CTNNA3: variants seen among roughly 807,000 people sequenced by gnomAD.
The protein encoded by CTNNA3 is catenin alpha 3.
Under a neutral mutation model 95.7 loss-of-function variants are expected in CTNNA3, and 76 were observed. The ratio of observed to expected loss-of-function variants is 0.79; its 90% CI spans 0.66 to 0.96. CTNNA3 has a LOEUF of 0.96. Among genes scored for constraint, CTNNA3 ranks in the 40% least tolerant of loss-of-function variants. The probability of loss-of-function intolerance (pLI) is 0.00; values close to 1 mark genes in which losing one functional copy is unlikely to be tolerated. For missense variants in CTNNA3, 1,191 were observed against 1,089.8 expected (o/e 1.09, Z -1.31); for synonymous variants, 431 against 374.4 (o/e 1.15, Z -1.74).
chr10:66,776,273 T>C (rs1173006651), intron 7 of CTNNA3, among the ~76,000 whole-genome samples: 2 of 152,194 alleles, frequency 1.3e-5, no homozygotes, highest in African/African-American at 4.8e-5. Context: ...TAAAAGAGAT[T>C]GGAAAAATCA....
intron 11 of CTNNA3, among the ~76,000 whole-genome samples, chr10:66,455,216 C>A (rs888065767): frequency 6.6e-6 from 1 of 152,076 alleles, no homozygotes; most frequent in Non-Finnish European, 1.5e-5. Flanking sequence ...CAAGGATGTT[C>A]ACTCTAACTT....
intron 7 of CTNNA3, among the ~76,000 whole-genome samples, chr10:66,908,813 G>A (rs752793470): frequency 6.6e-6 from 1 of 152,026 alleles, no homozygotes; most frequent in Non-Finnish European, 1.5e-5. Flanking sequence ...TTTCATGCTA[G>A]CACTCCCTAC....
chr10:66,676,225 A>G (rs1271717613), intron 9 of CTNNA3, among the ~76,000 whole-genome samples: 2 of 151,824 alleles, frequency 1.3e-5, no homozygotes, highest in African/African-American at 2.4e-5. Flanking sequence ...TGTTCTGTGT[A>G]GGCAGGCTGT....
chr10:67,560,846 T>A (rs1564740757), intron 3 of CTNNA3, among the ~76,000 whole-genome samples: 1 of 151,970 alleles, frequency 6.6e-6, no homozygotes. Flanking sequence ...TCCTAGTCTC[T>A]AATAAAACAG....
rs948356488 is a variant in CTNNA3 at position 66,825,284 on chromosome 10, T to TA, written c.1048-49761_1048-49760insT. On this transcript the variant is annotated intron_variant, in intron 7 of 17. Coordinates refer to ENST00000433211, the MANE Select transcript of CTNNA3 (RefSeq NM_013266.4). ...ATGTATATATACATATATATATATA[T>TA]TTTTTTTTTGAGATGGAGTCGTGCT... is the stretch of plus-strand genomic sequence containing the variant. Among the ~76,000 whole-genome samples the TA allele has an allele frequency of 1.7e-3, 151 of 86,700 alleles. No individual in the cohort carries two copies. In the East Asian group the frequency reaches 0.043, roughly 25 times the overall value. The allele number at this position is 86,700 out of a possible 152,430, so 56.9% of individuals were successfully genotyped here.
Position 65,920,219 on chromosome 10 carries a change from G to C in CTNNA3, c.*111C>G. On this transcript the variant is annotated 3_prime_UTR_variant, in exon 18 of 18. Transcript: ENST00000433211. ...TAGCGCCCAATATTTTATGTTATTTGTGAGTTAAACACCAAAACTTAGTGA... is the reference window on the plus strand; with the variant it reads ...TAGCGCCCAATATTTTATGTTATTTCTGAGTTAAACACCAAAACTTAGTGA... The C allele has an allele frequency of 1.1e-6, 1 of 906,102 alleles. No homozygotes were observed. Among genetic ancestry groups the C allele is most frequent in the Non-Finnish European group, 1.7e-6 (1 of 586,906 alleles). 56.1% of individuals were successfully genotyped at this position (906,102 alleles called of 1,614,324 possible).
At chr10:66,897,044 T>C (rs1265903294) in intron 7 of CTNNA3, among the ~76,000 whole-genome samples, 1 of 152,178 alleles carries the variant, frequency 6.6e-6, no homozygotes, top group Non-Finnish European at 1.5e-5. Context: ...CCCCTACTTT[T>C]ATTGAGTTCT....
At chr10:66,167,575 TTTAC>T (rs1791249462) in intron 13 of CTNNA3, among the ~76,000 whole-genome samples, 1 of 152,138 alleles carries the variant, frequency 6.6e-6, no homozygotes, top group African/African-American at 2.4e-5. Flanking sequence ...ATAATATTAT[TTTAC>T]TTTAATTTTT....
rs144145798 is a variant in CTNNA3 at position 67,074,190 on chromosome 10, G to A, written c.1047+106127C>T. 2.3e-3 allele frequency among the ~76,000 whole-genome samples: 351 copies of A among 151,348 alleles called. 5 individuals are homozygous for A. Among genetic ancestry groups the A allele is most frequent in the Middle Eastern group, 0.01 (3 of 292 alleles). The stretch of plus-strand genomic sequence containing the variant: ...TGGGACTATAGGCACGTGCCACCAT[G>A]ACCAGCTAATTTTTGTACTTTTAAT... On this transcript the variant is annotated intron_variant, in intron 7 of 17. Coordinates refer to ENST00000433211, the MANE Select transcript of CTNNA3 (RefSeq NM_013266.4).
upstream of CTNNA3, among the ~76,000 whole-genome samples, chr10:67,696,470 A>G (rs776993747): frequency 3.3e-5 from 5 of 152,218 alleles, no homozygotes; most frequent in Admixed American, 2.6e-4. Context: ...TCCTCACATC[A>G]AAAGATCAAT....
chr10:66,323,482 A>T (rs1205120983), intron 12 of CTNNA3, among the ~76,000 whole-genome samples: 2 of 151,768 alleles, frequency 1.3e-5, no homozygotes, highest in Admixed American at 1.3e-4. Context: ...TGTCTCTACT[A>T]AAAATACAAA....
chr10:67,197,760 A>G (rs1012782889), intron 6 of CTNNA3, among the ~76,000 whole-genome samples: 1 of 152,152 alleles, frequency 6.6e-6, no homozygotes, highest in African/African-American at 2.4e-5. Context: ...TATCCAGTTA[A>G]ATAGAAATTA....
intron 9 of CTNNA3, among the ~76,000 whole-genome samples, chr10:66,737,707 T>A (rs979094213): frequency 3.3e-5 from 5 of 151,682 alleles, no homozygotes; most frequent in Admixed American, 1.3e-4. Flanking sequence ...GTCACCAGGC[T>A]CGAGTGCACT....
intron 13 of CTNNA3, among the ~76,000 whole-genome samples, chr10:66,105,309 C>T (rs1222558772): frequency 6.6e-6 from 1 of 152,174 alleles, no homozygotes; most frequent in Non-Finnish European, 1.5e-5. Context: ...ATTCTTGTCA[C>T]AGTATTCTTG....
At chr10:66,732,951 G>A (rs926218612) in intron 9 of CTNNA3, among the ~76,000 whole-genome samples, 9 of 151,780 alleles carry the variant, frequency 5.9e-5, no homozygotes, top group Non-Finnish European at 7.4e-5. Flanking sequence ...ACCAGCCACC[G>A]CGCCCAGCTG....
intron 3 of CTNNA3, among the ~76,000 whole-genome samples, chr10:67,549,061 G>T (rs936885960): frequency 6.6e-6 from 1 of 151,950 alleles, no homozygotes; most frequent in Non-Finnish European, 1.5e-5. Flanking sequence ...ATGTACAGAG[G>T]TTTTAGTAAG....
intron 7 of CTNNA3, among the ~76,000 whole-genome samples, chr10:66,931,636 T>A (rs1847400629): frequency 6.6e-6 from 1 of 152,226 alleles, no homozygotes; most frequent in South Asian, 2.1e-4. Context: ...GTTTACAACA[T>A]GTTTTTTGAC....
At chr10:66,991,023 G>A (rs1344686940) in intron 7 of CTNNA3, among the ~76,000 whole-genome samples, 2 of 152,120 alleles carry the variant, frequency 1.3e-5, no homozygotes, top group African/African-American at 4.8e-5. Context: ...GCTAATGATG[G>A]AAATGTATTT....
At chr10:66,073,335 T>G (rs2080480449) in intron 14 of CTNNA3, among the ~76,000 whole-genome samples, 1 of 152,192 alleles carries the variant, frequency 6.6e-6, no homozygotes, top group Non-Finnish European at 1.5e-5. Flanking sequence ...AATATAGTTC[T>G]TCTACAGTGT....
Sources: gnomAD v4.1 joint callset for allele counts (sites outside exome capture counted in the v4.1 genomes callset) on GRCh38, gnomAD v4.1.1 for gene constraint, MANE v1.5 for transcripts, NCBI Gene and HGNC (gene_info 2026-07-23, HGNC 2026-07-21) for gene names.